The following ST8SIA6 variants were observed in gnomAD, a reference collection of about 807,000 sequenced individuals.
ST8SIA6 encodes ST8 alpha-N-acetyl-neuraminide alpha-2,8-sialyltransferase 6, also known as alpha-2,8-sialyltransferase 8F.
Under a neutral mutation model 33.6 loss-of-function variants are expected in ST8SIA6, and 39 were observed. The observed-to-expected ratio is 1.16, with a 90% CI of 0.90 to 1.52. ST8SIA6 has a LOEUF of 1.52. Ranked by LOEUF, ST8SIA6 falls within the 40% of genes most tolerant of loss-of-function variation. The pLI, the probability that ST8SIA6 is intolerant of heterozygous loss-of-function variation, is 0.00. For synonymous variants in ST8SIA6, 172 were observed against 167.2 expected, an observed-to-expected ratio of 1.03 and a Z score of -0.22; for missense variants, 441 against 443.8, an observed-to-expected ratio of 0.99 and a Z score of 0.06.
At chr10:17,435,834 T>C (rs1055921451) in intron 2 of ST8SIA6, among the ~76,000 whole-genome samples, 2 of 152,144 alleles carry the variant, frequency 1.3e-5, no homozygotes, top group African/African-American at 4.8e-5. Flanking sequence ...CGAGACTTCT[T>C]AAAAGTTGAT....
At chr10:17,383,605 G>C (rs1015143000) in intron 3 of ST8SIA6, among the ~76,000 whole-genome samples, 2 of 152,054 alleles carry the variant, frequency 1.3e-5, no homozygotes, top group African/African-American at 4.8e-5. Context: ...TTGTTGTCTT[G>C]TTTTGTTCCT....
chr10:17,333,595 A>G (rs552344278), intron 4 of ST8SIA6, among the ~76,000 whole-genome samples: 1 of 147,106 alleles, frequency 6.8e-6, no homozygotes, highest in East Asian at 2.0e-4. Flanking sequence ...CCACACATCT[A>G]CAACCATCTG....
At chr10:17,388,542 G>A (rs1425508792) in intron 3 of ST8SIA6, among the ~76,000 whole-genome samples, 1 of 152,162 alleles carries the variant, frequency 6.6e-6, no homozygotes, top group East Asian at 1.9e-4. Context: ...TTATTATTAG[G>A]AAGAGAAAGT....
chr10:17,386,971 C>G (rs1206905547), intron 3 of ST8SIA6: 1 of 152,300 alleles, frequency 6.6e-6, no homozygotes, highest in Non-Finnish European at 1.5e-5. Context: ...CCGCCAGCTT[C>G]TAGGCCCTGG....
chr10:17,318,557 A>G lies in ST8SIA6; in HGVS notation c.*2321T>C. On this transcript the variant is annotated 3_prime_UTR_variant, in exon 8 of 8. Transcript: ENST00000377602. ...TCTAGTACCAGAACTCAGACTTTCC[A>G]TTCTCAATGCCCTTAGATGTACTTG... 1 of 400,378 alleles carries G rather than the reference A, an allele frequency of 2.5e-6. No homozygotes were observed. The highest frequency in any genetic ancestry group is 5.0e-6 in the Non-Finnish European group (1 of 199,320). 24.8% of individuals were successfully genotyped at this position (400,378 alleles called of 1,614,324 possible). A position where few individuals can be genotyped will look rare whatever the true frequency, so the allele number is the denominator to read the frequency against.
At position 17,315,581 on chromosome 10, in the gene ST8SIA6, GT is replaced by G. The variant is rs1470967176; in HGVS notation, c.*5296del. 6.6e-6 allele frequency among the ~76,000 whole-genome samples: 1 copy of G among 151,962 alleles called. No homozygotes were observed. The highest frequency in any genetic ancestry group is 1.5e-5 in the Non-Finnish European group (1 of 67,888). On this transcript the variant is annotated 3_prime_UTR_variant, in exon 8 of 8. Transcript: ENST00000377602. ...ACAGATACACAATCAACATGAATGA[GT>G]TTTAATATTATTATGTCGAGCAAAA... is the stretch of plus-strand genomic sequence containing the variant.
chr10:17,412,375 G>T (rs1309690649), intron 2 of ST8SIA6, among the ~76,000 whole-genome samples: 1 of 152,198 alleles, frequency 6.6e-6, no homozygotes, highest in East Asian at 1.9e-4. Flanking sequence ...CCAATCAAAG[G>T]CACTAAAGTT....
chr10:17,363,156 C>G (rs1311812745), intron 3 of ST8SIA6, among the ~76,000 whole-genome samples: 2 of 152,178 alleles, frequency 1.3e-5, no homozygotes, highest in African/African-American at 2.4e-5. Context: ...ACAAATCTCC[C>G]CATTTAAAGC....
At chr10:17,389,777 G>A (rs359322) in intron 3 of ST8SIA6, among the ~76,000 whole-genome samples, 47,171 of 151,840 alleles carry the variant, frequency 0.31, 8,238 homozygotes, top group East Asian at 0.6. Flanking sequence ...AAAGGATTGG[G>A]GGCCTATAAA....
chr10:17,418,803 G>A (rs1163843088), intron 2 of ST8SIA6, among the ~76,000 whole-genome samples: 1 of 151,964 alleles, frequency 6.6e-6, no homozygotes, highest in African/African-American at 2.4e-5. Flanking sequence ...GACCAGCATG[G>A]CCAACATGGC....
chr10:17,325,873 CA>C (rs1233558198), intron 6 of ST8SIA6, among the ~76,000 whole-genome samples: 1 of 152,044 alleles, frequency 6.6e-6, no homozygotes. Context: ...GGTTTTAAAT[CA>C]AAACTTATTG....
At chr10:17,443,115 A>C (rs527263205) in intron 2 of ST8SIA6, among the ~76,000 whole-genome samples, 1 of 152,372 alleles carries the variant, frequency 6.6e-6, no homozygotes, top group Admixed American at 6.5e-5. Flanking sequence ...AAATATGCCC[A>C]CAACTTAATG....
chr10:17,386,093 A>C (rs1276668622), intron 3 of ST8SIA6, among the ~76,000 whole-genome samples: 2 of 152,256 alleles, frequency 1.3e-5, no homozygotes, highest in Non-Finnish European at 2.9e-5. Context: ...AGGCAGGAGG[A>C]TCGCTTGAAT....
chr10:17,350,069 G>T (rs960469115), intron 4 of ST8SIA6, among the ~76,000 whole-genome samples: 1 of 152,146 alleles, frequency 6.6e-6, no homozygotes, highest in Non-Finnish European at 1.5e-5. Flanking sequence ...CTTGAGGAAG[G>T]GATAACTGGT....
rs755624834 is a variant in ST8SIA6, at chr10:17,390,628, A to T, written c.201-8T>A. 2.5e-5 allele frequency: 40 copies of T among 1,599,370 alleles called. No individual in the cohort carries two copies. In the East Asian group the frequency reaches 8.9e-4, roughly 36 times the overall value. ...TTCTCATTCAGATATGTGCTGTTTC[A>T]TGAAAGAGATTTTTAAAAAGATTGA... is the stretch of plus-strand genomic sequence containing the variant. On this transcript the variant is annotated splice_region_variant and splice_polypyrimidine_tract_variant and intron_variant, in intron 2 of 7. Transcript: ENST00000377602.
At chr10:17,449,644 C>T (rs1852841159) in intron 2 of ST8SIA6, among the ~76,000 whole-genome samples, 2 of 152,184 alleles carry the variant, frequency 1.3e-5, no homozygotes, top group South Asian at 2.1e-4. Flanking sequence ...ACCTGGAAGA[C>T]ACAGCTCCTT....
In ST8SIA6 at chr10:17,370,701, C is replaced by T. The variant is rs981797047; in HGVS notation, c.291-11101G>A. ...TACCTTGTTATCATTATTACTTTATCATCTCTTGTCATTTCTATAGCACAG... is the reference window on the plus strand; with the variant it reads ...TACCTTGTTATCATTATTACTTTATTATCTCTTGTCATTTCTATAGCACAG... On this transcript the variant is annotated intron_variant, in intron 3 of 7. Transcript: ENST00000377602. Among the ~76,000 whole-genome samples the T allele has an allele frequency of 7.2e-5, 11 of 152,250 alleles. No homozygotes were observed. The East Asian group carries it at 2.1e-3, about 29-fold the overall frequency.
intron 2 of ST8SIA6, among the ~76,000 whole-genome samples, chr10:17,395,454 G>A (rs1473825826): frequency 2.0e-5 from 3 of 152,102 alleles, no homozygotes; most frequent in South Asian, 2.1e-4. Flanking sequence ...ACTCAGTAGG[G>A]TTGCCAGGCA....
intron 2 of ST8SIA6, among the ~76,000 whole-genome samples, chr10:17,407,166 C>G: frequency 6.6e-6 from 1 of 152,188 alleles, no homozygotes; most frequent in Non-Finnish European, 1.5e-5. Flanking sequence ...ACCCACATAG[C>G]TTAAAGTCAG....
Sources: allele counts gnomAD v4.1 joint callset (sites outside exome capture counted in the v4.1 genomes callset), GRCh38; gene constraint gnomAD v4.1.1; transcripts MANE v1.5; gene names NCBI Gene and HGNC (gene_info 2026-07-23, HGNC 2026-07-21).